SDAD1: variants seen among roughly 807,000 people sequenced by gnomAD.
The protein encoded by SDAD1 is SDA1 domain containing 1, also known as protein SDA1 homolog.
SDAD1 carries 79 observed loss-of-function variants against 100.3 expected under a neutral mutation model. The observed-to-expected ratio is 0.79, with a 90% confidence interval of 0.66 to 0.95. SDAD1 has a LOEUF of 0.95. Ranked by LOEUF, SDAD1 falls within the 40% of genes least tolerant of loss-of-function variation. The pLI, the probability that SDAD1 is intolerant of heterozygous loss-of-function variation, is 0.00. For missense variants in SDAD1, 790 were observed against 810.9 expected (o/e 0.97, Z 0.31); for synonymous variants, 267 against 271.4 (o/e 0.98, Z 0.16).
At chr4:75,977,489 A>G (rs775717239) in intron 4 of SDAD1, among the ~76,000 whole-genome samples, 157 bp downstream of exon 4, 8 of 152,252 alleles carry the variant, frequency 5.3e-5, no homozygotes, top group Non-Finnish European at 1.2e-4. Context: ...TATGCACTCA[A>G]TAAATATGGC....
chr4:75,978,634 A>G (rs1033233536), intron 3 of SDAD1, among the ~76,000 whole-genome samples: 5 of 152,138 alleles, frequency 3.3e-5, no homozygotes, highest in Non-Finnish European at 7.3e-5. Flanking sequence ...GAAAAACGGT[A>G]AGAATGAATT....
rs533910057 is a variant in SDAD1, at chr4:75,988,910, C to G, written c.90+1842G>C. Among the ~76,000 whole-genome samples, 6 of 152,282 alleles carry G rather than the reference C, an allele frequency of 3.9e-5. No individual in the cohort carries two copies. The South Asian group carries it at 1.0e-3, about 26-fold the overall frequency. ...TCTTTGCCCATAATTCCAATGACAC[C>G]ACAATCCCTTGCTTGGTTATTCTGA... On this transcript the variant is annotated intron_variant, in intron 1 of 21. Coordinates refer to ENST00000356260, the MANE Select transcript of SDAD1 (RefSeq NM_018115.4).
chr4:75,963,144 AGGG>A (rs1729343160), intron 14 of SDAD1, among the ~76,000 whole-genome samples: 1 of 152,222 alleles, frequency 6.6e-6, no homozygotes, highest in African/African-American at 2.4e-5. Context: ...TTTATTAAAT[AGGG>A]AATCCTTTCC....
In SDAD1 at chr4:75,990,644, G is replaced by A. The variant is rs539597238; in HGVS notation, c.90+108C>T. 168 of 1,600,684 alleles carry A rather than the reference G, an allele frequency of 1.0e-4. No homozygotes were observed. In the African/African-American group the frequency reaches 1.9e-3, roughly 18 times the overall value. The stretch of plus-strand genomic sequence containing the variant: ...TCTGGAGGGACCCCTGAACCTAACA[G>A]AAGAATAGGCGGCGAGCCTGGATCC... On this transcript the variant is annotated intron_variant, in intron 1 of 21. Coordinates refer to ENST00000356260, the MANE Select transcript of SDAD1 (RefSeq NM_018115.4).
intron 12 of SDAD1, 148 bp from the exon 13 acceptor site, chr4:75,965,970 TA>T (rs1305712302): frequency 1.6e-6 from 1 of 632,850 alleles, no homozygotes; most frequent in Non-Finnish European, 2.8e-6. Context: ...CTGCTTGGCT[TA>T]CCCCCTCACT....
At chr4:75,958,369 T>C (rs1204544001) in intron 17 of SDAD1, among the ~76,000 whole-genome samples, 3 of 152,244 alleles carry the variant, frequency 2.0e-5, no homozygotes, top group Non-Finnish European at 4.4e-5. Context: ...AGCAGGCATC[T>C]AATTTGTCCT....
chr4:75,968,125 T>C (rs1238005901), intron 11 of SDAD1, among the ~76,000 whole-genome samples: 1 of 152,204 alleles, frequency 6.6e-6, no homozygotes, highest in Non-Finnish European at 1.5e-5. Flanking sequence ...GAAACTCCAG[T>C]ATCATTTCCC....
At chr4:75,952,142 G>GT (rs1181389003) in intron 21 of SDAD1, among the ~76,000 whole-genome samples, 3 of 152,138 alleles carry the variant, frequency 2.0e-5, no homozygotes, top group Non-Finnish European at 4.4e-5. Flanking sequence ...GGCTAAGGAG[G>GT]TATTTTCCAG....
chr4:75,984,778 A>ACACACACACACACACACACACAC lies in SDAD1; in HGVS notation c.91-2742_91-2741insGTGTGTGTGTGTGTGTGTGTGTG, dbSNP rs1730779567. ...TATGTGACATACACACACACACACA[A>ACACACACACACACACACACACAC]ACACACACACACACACACACACACA... On this transcript the variant is annotated intron_variant, in intron 1 of 21. Coordinates refer to ENST00000356260, the MANE Select transcript of SDAD1 (RefSeq NM_018115.4). 7.3e-5 allele frequency among the ~76,000 whole-genome samples: 10 copies of ACACACACACACACACACACACAC among 137,030 alleles called. No homozygotes were observed. In the South Asian group the frequency reaches 7.5e-4, roughly 10 times the overall value. The allele number at this position is 137,030 out of a possible 152,430, so 89.9% of individuals were successfully genotyped here.
chr4:75,985,935 C>T (rs2149333066), intron 1 of SDAD1, among the ~76,000 whole-genome samples: 1 of 152,262 alleles, frequency 6.6e-6, no homozygotes. Context: ...TCTCATCCAG[C>T]TTCAATTCCA....
At position 75,957,886 on chromosome 4, in the gene SDAD1, A is replaced by G. The variant is rs1728995942; in HGVS notation, c.1539T>C (p.Ile513=). The G allele has an allele frequency of 3.1e-6, 5 of 1,613,620 alleles. No homozygotes were observed. In the East Asian group the frequency reaches 1.1e-4, roughly 36 times the overall value. ...CTTCATCGGAAGAGTGTTGCACATC[A>G]ATCCATTCACCATCAGCATCCTCCT... ...SEEEDADGEW[I]DVQHSSDEEQ... is the part of the protein sequence containing the mutation. The change falls in exon 18 of 22, where the codon ATT becomes ATC. Residue 513 remains isoleucine (I), a synonymous_variant. Transcript: ENST00000356260.
chr4:75,956,387 A>G lies in SDAD1; in HGVS notation c.1855-251T>C, dbSNP rs549821421. Among the ~76,000 whole-genome samples the G allele has an allele frequency of 1.0e-3, 145 of 144,804 alleles. 1 individual carries two copies. Among genetic ancestry groups the G allele is most frequent in the African/African-American group, 3.5e-3 (139 of 40,144 alleles). 95.0% of individuals were successfully genotyped at this position (144,804 alleles called of 152,430 possible). A position where few individuals can be genotyped will look rare whatever the true frequency, so the allele number is the denominator to read the frequency against. On this transcript the variant is annotated intron_variant, in intron 20 of 21. Transcript: ENST00000356260. ...AGGGGAACTTCCTAGAAAGGGAGAC[A>G]GGTAGACTGTTTTTTTTTTGTTTTT...
At position 75,975,975 on chromosome 4, in the gene SDAD1, C is replaced by A; in HGVS notation, c.426G>T (p.Val142=). 6.2e-7 allele frequency: 1 copy of A among 1,600,254 alleles called. No homozygotes were observed. Among genetic ancestry groups the A allele is most frequent in the South Asian group, 1.1e-5 (1 of 90,720 alleles). Residue 142 remains valine (V), a synonymous_variant, in exon 5 of 22, where the codon GTG becomes GTT. Transcript: ENST00000356260. ...LLRKTLYTHI[V]TDIKNINAKH... ...TTGCATTTATATTCTTGATATCAGT[C>A]ACAATATGTGTGTATAAAGTCTGAG...
chr4:75,987,439 C>T (rs995230918), intron 1 of SDAD1, among the ~76,000 whole-genome samples: 1 of 152,174 alleles, frequency 6.6e-6, no homozygotes, highest in Non-Finnish European at 1.5e-5. Flanking sequence ...TTTTTGCACC[C>T]ATTCCTCTTC....
intron 12 of SDAD1, among the ~76,000 whole-genome samples, chr4:75,966,204 G>C (rs779865020): frequency 6.6e-6 from 1 of 150,550 alleles, no homozygotes; most frequent in East Asian, 2.0e-4. Flanking sequence ...TGTGGAATTC[G>C]TACTGTCTTA....
At chr4:75,981,516 T>C (rs1366809898) in intron 2 of SDAD1, 46 bp from the exon 3 acceptor site, 2 of 1,610,792 alleles carry the variant, frequency 1.2e-6, no homozygotes, top group African/African-American at 1.3e-5. Flanking sequence ...CTTTCTCTCC[T>C]ATAATTCAGA....
chr4:75,970,935 TC>T (rs1475468722), intron 9 of SDAD1, among the ~76,000 whole-genome samples: 8 of 152,248 alleles, frequency 5.3e-5, no homozygotes, highest in Non-Finnish European at 2.9e-5. Context: ...GAAATCTCTT[TC>T]CTTTATAAAT....
At chr4:75,957,999 T>C in intron 17 of SDAD1, 58 bp from the exon 18 acceptor site, 1 of 1,393,490 alleles carries the variant, frequency 7.2e-7, no homozygotes, top group African/African-American at 1.4e-5. Flanking sequence ...CAACATAAAG[T>C]TGAGATGAAG....
Position 75,959,097 on chromosome 4 carries a change from C to CAAAAAAAA in SDAD1, c.1483+961_1483+968dup, listed in dbSNP as rs61245198. On this transcript the variant is annotated intron_variant, in intron 17 of 21. Transcript: ENST00000356260. ...TGGGCGACACAGCAAGACTCTGTCTCAAAAAAAAAAAAAAAAAAAAAAAAA... is the reference window on the plus strand; with the variant it reads ...TGGGCGACACAGCAAGACTCTGTCTCAAAAAAAAAAAAAAAAAAAAAAAAAAAAAAAAA... Among the ~76,000 whole-genome samples, 123 of 54,960 alleles carry CAAAAAAAA rather than the reference C, an allele frequency of 2.2e-3. 3 individuals carry two copies. The highest frequency in any genetic ancestry group is 3.9e-3 in the African/African-American group (48 of 12,226). 36.1% of individuals were successfully genotyped at this position (54,960 alleles called of 152,430 possible). A position where few individuals can be genotyped will look rare whatever the true frequency, so the allele number is the denominator to read the frequency against.
Sources: allele counts gnomAD v4.1 joint callset (sites outside exome capture counted in the v4.1 genomes callset), GRCh38; gene constraint gnomAD v4.1.1; transcripts MANE v1.5; gene names NCBI Gene and HGNC (gene_info 2026-07-23, HGNC 2026-07-21).